GRIK5: variants seen among roughly 807,000 people sequenced by gnomAD.
GRIK5 encodes glutamate receptor ionotropic, kainate 5.
In GRIK5, 43 loss-of-function variants were observed where a neutral mutation model predicts 97.4. That is an observed-to-expected ratio of 0.44 (90% confidence interval 0.35 to 0.57). The LOEUF is 0.57. Ranked by LOEUF, GRIK5 falls within the 20% of genes least tolerant of loss-of-function variation. The pLI is 0.01. For missense variants in GRIK5, 1,015 were observed against 1,382.0 expected (o/e 0.73, Z 4.21); for synonymous variants, 580 against 583.5 (o/e 0.99, Z 0.09).
intron 11 of GRIK5, among the ~76,000 whole-genome samples, chr19:42,043,701 C>T (rs1211584911): frequency 1.3e-5 from 2 of 151,452 alleles, no homozygotes; most frequent in Non-Finnish European, 2.9e-5. Context: ...TCGCACCTGG[C>T]CCAGATGGTG....
Position 41,999,876 on chromosome 19 carries a change from T to G in GRIK5, c.2515-577A>C, listed in dbSNP as rs1481535805. The stretch of plus-strand genomic sequence containing the variant: ...AGGCCTAAGGTGTATGGGTAGGGAG[T>G]GACGATGAATTCTGAGACAGGACAG... On this transcript the variant is annotated intron_variant, in intron 19 of 19. Transcript: ENST00000593562. The surrounding 1 kb of genome is among the most constrained non-coding windows in gnomAD (Gnocchi z 5.0). 1.3e-5 allele frequency among the ~76,000 whole-genome samples: 2 copies of G among 151,622 alleles called. No homozygotes were observed. The highest frequency in any genetic ancestry group is 4.9e-5 in the African/African-American group (2 of 41,232).
chr19:42,024,974 C>T (rs1036308660), intron 12 of GRIK5, among the ~76,000 whole-genome samples: 12 of 152,194 alleles, frequency 7.9e-5, no homozygotes, highest in African/African-American at 2.7e-4. Flanking sequence ...AGAAGCAAGG[C>T]CAGCTGGACA....
chr19:42,003,744 A>C lies in GRIK5; in HGVS notation c.2264-61T>G. On this transcript the variant is annotated intron_variant, in intron 17 of 19. Coordinates refer to ENST00000593562, the MANE Select transcript of GRIK5 (RefSeq NM_002088.5). This position sits in a 1 kb window ranked among gnomAD's most constrained non-coding sequence, Gnocchi z 4.2. ...GGCCCTGCAGCCCTGACCGCCCCAA[A>C]CCCCAAACTGTGCCCTCACCACGGC... 1.3e-6 allele frequency: 2 copies of C among 1,491,134 alleles called. No homozygotes were observed. Among genetic ancestry groups the C allele is most frequent in the Admixed American group, 2.3e-5 (1 of 42,976 alleles). The allele number at this position is 1,491,134 out of a possible 1,614,324, so 92.4% of individuals were successfully genotyped here. A position where few individuals can be genotyped will look rare whatever the true frequency, so the allele number is the denominator to read the frequency against.
At position 42,020,704 on chromosome 19, in the gene GRIK5, C is replaced by T. The variant is rs559988659; in HGVS notation, c.1871+597G>A. Among the ~76,000 whole-genome samples the T allele has an allele frequency of 5.9e-5, 9 of 152,316 alleles. No individual in the cohort carries two copies. The East Asian group carries it at 1.7e-3, about 29-fold the overall frequency. On this transcript the variant is annotated intron_variant, in intron 15 of 19. Coordinates refer to ENST00000593562, the MANE Select transcript of GRIK5 (RefSeq NM_002088.5). The stretch of plus-strand genomic sequence containing the variant: ...TGACCTCCAGTCATCCTCACTGCTA[C>T]ACTCCCACCAGCGCCATGACAGTTT...
intron 11 of GRIK5, among the ~76,000 whole-genome samples, chr19:42,046,510 C>T (rs188950907): frequency 1.3e-5 from 2 of 152,266 alleles, no homozygotes; most frequent in East Asian, 3.8e-4. Flanking sequence ...GCATCAAAAA[C>T]GCAGGTCCAA....
At chr19:42,034,173 C>G (rs988010112) in intron 12 of GRIK5, among the ~76,000 whole-genome samples, 2 of 152,028 alleles carry the variant, frequency 1.3e-5, no homozygotes, top group Non-Finnish European at 2.9e-5. Context: ...ACCAGCCTGG[C>G]CAACATGGCA....
chr19:42,063,977 GC>G (rs1395462484), intron 3 of GRIK5, among the ~76,000 whole-genome samples: 1 of 152,062 alleles, frequency 6.6e-6, no homozygotes, highest in African/African-American at 2.4e-5. Context: ...ACTGGTAAGG[GC>G]CCCACCATTC....
chr19:42,046,858 G>C (rs912358876), intron 11 of GRIK5, among the ~76,000 whole-genome samples: 1 of 152,000 alleles, frequency 6.6e-6, no homozygotes, highest in South Asian at 2.1e-4. Context: ...ATTTTACGTA[G>C]GTTTGTATTA....
intron 1 of GRIK5, among the ~76,000 whole-genome samples, chr19:42,067,111 G>A (rs895271354): frequency 6.6e-6 from 1 of 152,234 alleles, no homozygotes; most frequent in Admixed American, 6.5e-5. Context: ...TGTGCCCCAC[G>A]GGAAGGGATG....
intron 8 of GRIK5, among the ~76,000 whole-genome samples, chr19:42,055,578 TATGTA>T (rs2076172665): frequency 1.3e-5 from 2 of 152,188 alleles, no homozygotes; most frequent in Admixed American, 1.3e-4. Context: ...TCCATATCTC[TATGTA>T]AGTCTAATAT....
At chr19:42,060,186 C>G (rs987521780) in intron 5 of GRIK5, among the ~76,000 whole-genome samples, 1 of 151,922 alleles carries the variant, frequency 6.6e-6, no homozygotes, top group Admixed American at 6.6e-5. Flanking sequence ...CTTGTTACTG[C>G]CCAGACTGCG....
rs149461494 is a variant in GRIK5 at position 42,062,841 on chromosome 19, G to C, written c.259C>G (p.Pro87Ala). Residue 87 changes from proline (P) to alanine (A), a missense_variant, in exon 4 of 20, where the codon CCC becomes GCC. Pro to Ala is a conservative substitution (Grantham distance 27). This residue lies in a region of GRIK5 where 198 missense variants were observed against 218.2 expected (regional missense o/e 0.91). Coordinates refer to ENST00000593562, the MANE Select transcript of GRIK5 (RefSeq NM_002088.5). This position sits in a 1 kb window ranked among gnomAD's most constrained non-coding sequence, Gnocchi z 5.3. ...CCAAGGACAGACACAACCCCTTTGG[G>C]TAAGATCTGACACACTGCGTGGGAA... ...ETTDTMCQIL[P>A]KGVVSVLGPS... 6.2e-7 allele frequency: 1 copy of C among 1,613,308 alleles called. No individual in the cohort carries two copies. The highest frequency in any genetic ancestry group is 8.5e-7 in the Non-Finnish European group (1 of 1,179,246).
At chr19:42,060,966 G>A (rs1204557774) in intron 5 of GRIK5, among the ~76,000 whole-genome samples, 1 of 152,176 alleles carries the variant, frequency 6.6e-6, no homozygotes. Flanking sequence ...GAATGTACTT[G>A]GACTACTTCA....
chr19:42,023,866 T>C (rs370401220), intron 12 of GRIK5, among the ~76,000 whole-genome samples: 1 of 152,312 alleles, frequency 6.6e-6, no homozygotes, highest in South Asian at 2.1e-4. Context: ...ATTCCTCACA[T>C]ATAAGCCAAG....
Position 42,042,635 on chromosome 19 carries a change from G to A in GRIK5, c.1390C>T (p.Leu464=), listed in dbSNP as rs1568913519. The A allele has an allele frequency of 6.2e-7, 1 of 1,613,318 alleles. No individual in the cohort carries two copies. Among genetic ancestry groups the A allele is most frequent in the East Asian group, 2.2e-5 (1 of 44,882 alleles). Residue 464 remains leucine (L), a synonymous_variant, in exon 12 of 20, where the codon CTG becomes TTG. Coordinates refer to ENST00000593562, the MANE Select transcript of GRIK5 (RefSeq NM_002088.5). The surrounding 1 kb of genome is among the most constrained non-coding windows in gnomAD (Gnocchi z 6.9). ...LAELLRFRYR[L]RLVEDGLYGA... ...TACAGCCCATCCTCCACCAACCGCAGGCGGTAGCGGAAGCGCAGCAGCTCG... is the reference window on the plus strand; with the variant it reads ...TACAGCCCATCCTCCACCAACCGCAAGCGGTAGCGGAAGCGCAGCAGCTCG...
chr19:42,021,855 G>T lies in GRIK5; in HGVS notation c.1697+92C>A. The T allele has an allele frequency of 1.3e-6, 1 of 782,150 alleles. No homozygotes were observed. Among genetic ancestry groups the T allele is most frequent in the Non-Finnish European group, 2.1e-6 (1 of 465,672 alleles). 48.5% of individuals were successfully genotyped at this position (782,150 alleles called of 1,614,324 possible). A position where few individuals can be genotyped will look rare whatever the true frequency, so the allele number is the denominator to read the frequency against. Reference sequence around the variant, plus strand: ...CCGAGGCCCCAAAGGGGAGGCCAAGGACAGTTCCGAGAGAGAAGAGGCAGG... The same window carrying T: ...CCGAGGCCCCAAAGGGGAGGCCAAGTACAGTTCCGAGAGAGAAGAGGCAGG... On this transcript the variant is annotated intron_variant, in intron 14 of 19. Coordinates refer to ENST00000593562, the MANE Select transcript of GRIK5 (RefSeq NM_002088.5). The surrounding 1 kb of genome is among the most constrained non-coding windows in gnomAD (Gnocchi z 4.2).
intron 3 of GRIK5, among the ~76,000 whole-genome samples, chr19:42,064,876 G>A (rs757227817): frequency 1.6e-4 from 24 of 152,220 alleles, no homozygotes; most frequent in Non-Finnish European, 3.4e-4. Flanking sequence ...GCCTTCTCCA[G>A]AATGCCTTTG....
At chr19:42,049,146 T>G (rs1386906784) in intron 11 of GRIK5, among the ~76,000 whole-genome samples, 3 of 152,202 alleles carry the variant, frequency 2.0e-5, no homozygotes, top group African/African-American at 7.2e-5. Flanking sequence ...ATATGGTTGG[T>G]ACCTTTATAC....
intron 3 of GRIK5, chr19:42,063,261 C>T: frequency 2.2e-6 from 1 of 461,586 alleles, no homozygotes; most frequent in Non-Finnish European, 4.3e-6. Flanking sequence ...TCCCCTGGAG[C>T]CTTCCCATAC....
Sources: allele counts gnomAD v4.1 joint callset (sites outside exome capture counted in the v4.1 genomes callset), GRCh38; gene constraint gnomAD v4.1.1; regional missense constraint gnomAD v4.1.1; non-coding constraint Gnocchi (gnomAD v3.1); transcripts MANE v1.5; gene names NCBI Gene and HGNC (gene_info 2026-07-23, HGNC 2026-07-21).